The following NPFFR2 variants were observed in gnomAD, a reference collection of about 807,000 sequenced individuals.
The protein encoded by NPFFR2 is G-protein coupled receptor 74.
NPFFR2 carries 15 observed loss-of-function variants against 13.1 expected under a neutral mutation model. The ratio of observed to expected loss-of-function variants is 1.15; its 90% CI spans 0.77 to 1.76. The LOEUF is 1.76. Among genes scored for constraint, NPFFR2 ranks in the 40% most tolerant of loss-of-function variants. The probability of loss-of-function intolerance (pLI) is 0.00; values close to 1 mark genes in which losing one functional copy is unlikely to be tolerated. For synonymous variants in NPFFR2, 190 were observed against 175.7 expected (o/e 1.08, Z -0.65); for missense variants, 572 against 503.5 (o/e 1.14, Z -1.30).
At chr4:72,032,232 C>G in intron 1 of NPFFR2, 32 bp downstream of exon 1, 3 of 1,561,130 alleles carry the variant, frequency 1.9e-6, no homozygotes, top group Non-Finnish European at 2.6e-6. Context: ...TCTGGGGGCC[C>G]CCGCTTGGGG....
chr4:72,055,769 C>G (rs1719725752), intron 1 of NPFFR2, among the ~76,000 whole-genome samples: 1 of 151,832 alleles, frequency 6.6e-6, no homozygotes, highest in Admixed American at 6.6e-5. Flanking sequence ...GATAAGAAAG[C>G]AAAATAGCTT....
intron 1 of NPFFR2, among the ~76,000 whole-genome samples, chr4:72,083,270 G>C (rs150295407): frequency 6.6e-6 from 1 of 152,194 alleles, no homozygotes; most frequent in African/African-American, 2.4e-5. Flanking sequence ...TCTCCATACT[G>C]TTTTCTATAA....
chr4:72,082,568 T>C (rs1284963944), intron 1 of NPFFR2, among the ~76,000 whole-genome samples: 3 of 152,202 alleles, frequency 2.0e-5, no homozygotes, highest in Admixed American at 6.5e-5. Flanking sequence ...ATGGTGTACA[T>C]TGATGGTTTG....
At chr4:72,044,871 C>T (rs940901656) in intron 1 of NPFFR2, among the ~76,000 whole-genome samples, 2 of 151,774 alleles carry the variant, frequency 1.3e-5, no homozygotes, top group African/African-American at 4.8e-5. Flanking sequence ...TCATTTTTTT[C>T]CTTTGCTGTG....
chr4:72,033,218 C>G (rs1490715068), intron 1 of NPFFR2, among the ~76,000 whole-genome samples: 1 of 151,998 alleles, frequency 6.6e-6, no homozygotes, highest in East Asian at 1.9e-4. Context: ...AATGATGAAT[C>G]TAAGTTATGG....
chr4:72,059,297 G>A (rs919489557), intron 1 of NPFFR2, among the ~76,000 whole-genome samples: 7 of 152,082 alleles, frequency 4.6e-5, no homozygotes, highest in South Asian at 2.1e-4. Context: ...TTCACATAGC[G>A]CTGAGAGAAA....
intron 1 of NPFFR2, among the ~76,000 whole-genome samples, chr4:72,123,727 A>G (rs1363748875): frequency 6.6e-6 from 1 of 152,252 alleles, no homozygotes. Context: ...TTCATGCTAA[A>G]AACTCTCAAT....
chr4:72,099,584 G>A (rs1721177170), intron 1 of NPFFR2, among the ~76,000 whole-genome samples: 2 of 151,968 alleles, frequency 1.3e-5, no homozygotes, highest in Admixed American at 1.3e-4. Context: ...GAGAGAGGGG[G>A]AGGAGGTGCC....
At chr4:72,076,352 A>G (rs1267363153) in intron 1 of NPFFR2, among the ~76,000 whole-genome samples, 3 of 152,086 alleles carry the variant, frequency 2.0e-5, no homozygotes, top group African/African-American at 7.2e-5. Flanking sequence ...TATTTCATCT[A>G]TATTATATAT....
chr4:72,137,877 G>A (rs1722466929), intron 2 of NPFFR2, among the ~76,000 whole-genome samples, 163 bp from the exon 3 acceptor site: 1 of 152,186 alleles, frequency 6.6e-6, no homozygotes, highest in South Asian at 2.1e-4. Context: ...CTGAAAAGCA[G>A]AGCTCTGGAG....
intron 1 of NPFFR2, among the ~76,000 whole-genome samples, chr4:72,080,820 A>G (rs1720596109): frequency 6.8e-6 from 1 of 146,792 alleles, no homozygotes; most frequent in South Asian, 2.1e-4. Flanking sequence ...AGAGTCACTG[A>G]CAACTACAGA....
intron 3 of NPFFR2, among the ~76,000 whole-genome samples, chr4:72,143,718 G>T (rs1722698295): frequency 6.6e-6 from 1 of 152,150 alleles, no homozygotes; most frequent in Non-Finnish European, 1.5e-5. Context: ...CTTTCAGTGG[G>T]TTCTGTCTTA....
At chr4:72,058,128 CAG>C (rs1719811157) in intron 1 of NPFFR2, among the ~76,000 whole-genome samples, 1 of 151,912 alleles carries the variant, frequency 6.6e-6, no homozygotes, top group Admixed American at 6.6e-5. Flanking sequence ...AGCGTTTTAT[CAG>C]TGATAATTTC....
intron 1 of NPFFR2, among the ~76,000 whole-genome samples, chr4:72,116,045 A>AGAAT (rs1721703092): frequency 6.6e-6 from 1 of 152,184 alleles, no homozygotes; most frequent in Admixed American, 6.5e-5. Flanking sequence ...TATTAAAATA[A>AGAAT]GAATGAAAGG....
intron 1 of NPFFR2, among the ~76,000 whole-genome samples, chr4:72,104,251 A>C (rs1721350356): frequency 6.6e-6 from 1 of 152,110 alleles, no homozygotes. Context: ...GTGCCCCATC[A>C]GATGTAAGCT....
intron 1 of NPFFR2, among the ~76,000 whole-genome samples, chr4:72,058,739 C>T (rs1303331843): frequency 6.6e-6 from 1 of 151,988 alleles, no homozygotes; most frequent in African/African-American, 2.4e-5. Context: ...TGTTTTTCCT[C>T]ATTCTAGGGT....
At chr4:72,086,917 C>G (rs926601306) in intron 1 of NPFFR2, among the ~76,000 whole-genome samples, 4 of 151,958 alleles carry the variant, frequency 2.6e-5, no homozygotes, top group Admixed American at 6.6e-5. Flanking sequence ...TGTTGATAAA[C>G]TATGATATGC....
chr4:72,112,190 T>C (rs1367317802), intron 1 of NPFFR2, among the ~76,000 whole-genome samples: 1 of 152,032 alleles, frequency 6.6e-6, no homozygotes. Flanking sequence ...CATCAGTTGA[T>C]TTGATTTTTC....
chr4:72,096,358 T>C (rs529191568), intron 1 of NPFFR2, among the ~76,000 whole-genome samples: 1 of 152,290 alleles, frequency 6.6e-6, no homozygotes, highest in South Asian at 2.1e-4. Flanking sequence ...GTAACAATAA[T>C]CAACACTGTA....
Sources: allele counts gnomAD v4.1 joint callset (sites outside exome capture counted in the v4.1 genomes callset), GRCh38; gene constraint gnomAD v4.1.1; transcripts MANE v1.5; gene names NCBI Gene and HGNC (gene_info 2026-07-23, HGNC 2026-07-21).